The following SUGP2 variants were observed in gnomAD, a reference collection of about 807,000 sequenced individuals.
SUGP2 encodes the protein SURP and G-patch domain-containing protein 2.
A neutral mutation model predicts 90.5 loss-of-function variants in SUGP2; 24 were observed. The ratio of observed to expected loss-of-function variants is 0.27; its 90% CI spans 0.19 to 0.37. SUGP2 has a LOEUF of 0.37. Among genes scored for constraint, SUGP2 ranks in the 10% least tolerant of loss-of-function variants. The probability of loss-of-function intolerance (pLI) is 1.00; values close to 1 mark genes in which losing one functional copy is unlikely to be tolerated. For synonymous variants in SUGP2, 473 were observed against 513.4 expected, an observed-to-expected ratio of 0.92 and a Z score of 1.06; for missense variants, 1,233 against 1,363.3, an observed-to-expected ratio of 0.90 and a Z score of 1.51.
chr19:19,024,115 T>C (rs552142781), intron 3 of SUGP2, among the ~76,000 whole-genome samples: 2 of 152,234 alleles, frequency 1.3e-5, no homozygotes, highest in South Asian at 4.1e-4. Context: ...TGTCTAAAAA[T>C]TTTTATTTTT....
chr19:19,014,433 T>G (rs1256156730), intron 4 of SUGP2, among the ~76,000 whole-genome samples: 1 of 152,082 alleles, frequency 6.6e-6, no homozygotes, highest in Non-Finnish European at 1.5e-5. Context: ...CTGCTGGCCC[T>G]CAGAGGGTGG....
chr19:19,003,924 G>A (rs2057949554), intron 7 of SUGP2, among the ~76,000 whole-genome samples: 2 of 152,204 alleles, frequency 1.3e-5, no homozygotes, highest in African/African-American at 4.8e-5. Context: ...GCCCCGACCT[G>A]AATCCAGGCA....
At chr19:19,024,057 T>G (rs2058829943) in intron 3 of SUGP2, among the ~76,000 whole-genome samples, 1 of 152,202 alleles carries the variant, frequency 6.6e-6, no homozygotes, top group Non-Finnish European at 1.5e-5. Context: ...TTTCTGGCAA[T>G]GGCCACAGCT....
chr19:19,013,671 C>T (rs535737899), intron 4 of SUGP2, among the ~76,000 whole-genome samples: 7 of 152,092 alleles, frequency 4.6e-5, no homozygotes, highest in Non-Finnish European at 8.8e-5. Context: ...TTTATGTTAA[C>T]TTTGGGGTGC....
At chr19:19,030,869 C>T (rs1314310708) in intron 2 of SUGP2, 82 bp downstream of exon 2, 3 of 1,447,378 alleles carry the variant, frequency 2.1e-6, no homozygotes, top group South Asian at 1.4e-5. Flanking sequence ...ATTATTTGCC[C>T]AAGGTATTGT....
chr19:19,023,686 C>A (rs1432693863), intron 3 of SUGP2, among the ~76,000 whole-genome samples: 1 of 152,034 alleles, frequency 6.6e-6, no homozygotes, highest in Non-Finnish European at 1.5e-5. Flanking sequence ...ATCACTTGAG[C>A]TCAGGAGTTC....
intron 2 of SUGP2, among the ~76,000 whole-genome samples, chr19:19,026,661 C>G (rs1165632750): frequency 1.3e-5 from 2 of 152,194 alleles, no homozygotes; most frequent in African/African-American, 4.8e-5. Flanking sequence ...GCAACTGGAG[C>G]ACTTCTGTGT....
intron 1 of SUGP2, among the ~76,000 whole-genome samples, chr19:19,031,703 AG>A (rs2059159265): frequency 6.6e-6 from 1 of 152,150 alleles, no homozygotes; most frequent in South Asian, 2.1e-4. Flanking sequence ...ACTGTCTCAA[AG>A]AAAAAAAAAA....
intron 8 of SUGP2, 77 bp downstream of exon 8, chr19:19,001,536 G>A (rs2145336236): frequency 1.4e-6 from 2 of 1,407,936 alleles, no homozygotes; most frequent in South Asian, 2.3e-5. Context: ...TTAATCACAA[G>A]CTGCAGCATC....
chr19:19,002,804 C>T (rs1056242877), intron 7 of SUGP2, among the ~76,000 whole-genome samples: 15 of 151,986 alleles, frequency 9.9e-5, no homozygotes, highest in African/African-American at 2.9e-4. Context: ...TGAGCCAGCA[C>T]ACCCGGCGCA....
At position 19,005,867 on chromosome 19, in the gene SUGP2, ACACACACACACACACACACACACAC is replaced by A. The variant is rs1312595707; in HGVS notation, c.2451-1246_2451-1222del. Among the ~76,000 whole-genome samples, 56 of 14,574 alleles carry A rather than the reference ACACACACACACACACACACACACAC, an allele frequency of 3.8e-3. 1 individual carries two copies. In the Middle Eastern group the frequency reaches 0.083, roughly 22 times the overall value. 9.6% of individuals were successfully genotyped at this position (14,574 alleles called of 152,430 possible). A position where few individuals can be genotyped will look rare whatever the true frequency, so the allele number is the denominator to read the frequency against. On this transcript the variant is annotated intron_variant, in intron 6 of 10. Transcript: ENST00000452918. ...CAAACACACACACACACACACACAC[ACACACACACACACACACACACACAC>A]CACACACACACACCACACACACATA... is the stretch of plus-strand genomic sequence containing the variant.
intron 3 of SUGP2, among the ~76,000 whole-genome samples, chr19:19,020,548 A>G (rs560196215): frequency 7.9e-5 from 12 of 151,434 alleles, no homozygotes; most frequent in African/African-American, 2.7e-4. Context: ...GGCTCAAGCA[A>G]TTCTCAGGCC....
At chr19:19,009,724 C>T in intron 5 of SUGP2, 131 bp downstream of exon 5, 1 of 1,218,786 alleles carries the variant, frequency 8.2e-7, no homozygotes, top group Non-Finnish European at 1.1e-6. Flanking sequence ...GTACACTTGT[C>T]CTGGCCAGGT....
In SUGP2 at chr19:19,011,610, G is replaced by A. The variant is rs369860898; in HGVS notation, c.1851-1268C>T. The stretch of plus-strand genomic sequence containing the variant: ...GTTATTCAGAAACATGTTTTATTTT[G>A]GTTGTTGCTGGTTTCTAGTTTGCTG... On this transcript the variant is annotated intron_variant, in intron 4 of 10. Coordinates refer to ENST00000452918, the MANE Select transcript of SUGP2 (RefSeq NM_001017392.5). Among the ~76,000 whole-genome samples the A allele has an allele frequency of 3.9e-5, 6 of 152,126 alleles. No homozygotes were observed. In the East Asian group the frequency reaches 5.8e-4, roughly 15 times the overall value.
chr19:19,002,898 A>T (rs1388010178), intron 7 of SUGP2, among the ~76,000 whole-genome samples: 2 of 152,022 alleles, frequency 1.3e-5, no homozygotes, highest in Non-Finnish European at 2.9e-5. Flanking sequence ...CCCCAAGAAG[A>T]GCATACATAA....
chr19:19,024,849 T>G lies in SUGP2; in HGVS notation c.1499A>C (p.Glu500Ala). ...ASSFRQEKIL[E>A]AVGLQDIAPS... ...AGCTATATCTTGCAGGCCGACAGCT[T>G]CTAAGATTTTCTCCTGCCGGAAAGA... is the stretch of plus-strand genomic sequence containing the variant. Residue 500 changes from glutamate (E) to alanine (A), a missense_variant, in exon 3 of 11, where the codon GAA (glutamate) becomes GCA (alanine). Glu to Ala is a moderately radical substitution (Grantham distance 107). Around this residue, in one of 8 missense-constraint regions of SUGP2, gnomAD observed 59 missense variants for 92.6 expected, o/e 0.64. Coordinates refer to ENST00000452918, the MANE Select transcript of SUGP2 (RefSeq NM_001017392.5). The G allele has an allele frequency of 6.2e-7, 1 of 1,614,086 alleles. No individual in the cohort carries two copies. Among genetic ancestry groups the G allele is most frequent in the Non-Finnish European group, 8.5e-7 (1 of 1,180,022 alleles).
intron 4 of SUGP2, among the ~76,000 whole-genome samples, chr19:19,014,240 G>A (rs148653561): frequency 5.3e-5 from 8 of 152,218 alleles, no homozygotes; most frequent in Non-Finnish European, 8.8e-5. Flanking sequence ...CGGCCCACTC[G>A]CCTCGGCTTC....
At chr19:18,995,054 C>G in intron 9 of SUGP2, 90 bp downstream of exon 9, 2 of 1,505,352 alleles carry the variant, frequency 1.3e-6, no homozygotes, top group Non-Finnish European at 1.8e-6. Context: ...CAGCTGTAAG[C>G]CATCTTGGCT....
intron 9 of SUGP2, 94 bp from the exon 10 acceptor site, chr19:18,994,580 G>C: frequency 6.6e-7 from 1 of 1,507,832 alleles, no homozygotes; most frequent in Non-Finnish European, 9.0e-7. Flanking sequence ...ATGAGATGCA[G>C]GTGTTTGGGA....
Sources: allele counts gnomAD v4.1 joint callset (sites outside exome capture counted in the v4.1 genomes callset), GRCh38; gene constraint gnomAD v4.1.1; regional missense constraint gnomAD v4.1.1; transcripts MANE v1.5; gene names NCBI Gene and HGNC (gene_info 2026-07-23, HGNC 2026-07-21).